The following SYT16 variants were observed in gnomAD, a reference collection of about 807,000 sequenced individuals.
SYT16 encodes the protein synaptotagmin 16.
A neutral mutation model predicts 61.4 loss-of-function variants in SYT16; 42 were observed. The observed-to-expected ratio is 0.68, with a 90% CI of 0.53 to 0.89. The LOEUF (loss-of-function observed/expected upper bound fraction) is 0.89, where lower values mean the gene tolerates loss of function less well. SYT16 is among the 40% of genes least tolerant of loss of function. The pLI, the probability that SYT16 is intolerant of heterozygous loss-of-function variation, is 0.00. For synonymous variants in SYT16, 314 were observed against 302.3 expected (o/e 1.04, Z -0.40); for missense variants, 804 against 807.3 (o/e 1.00, Z 0.05).
At chr14:62,010,036 T>C (rs2053381539) in intron 3 of SYT16, among the ~76,000 whole-genome samples, 2 of 152,228 alleles carry the variant, frequency 1.3e-5, no homozygotes, top group Non-Finnish European at 2.9e-5. Context: ...CTGTATTAAA[T>C]AAATTGCCTC....
chr14:61,962,670 T>G (rs919427116), intron 1 of SYT16, among the ~76,000 whole-genome samples: 2 of 152,110 alleles, frequency 1.3e-5, no homozygotes, highest in African/African-American at 2.4e-5. Flanking sequence ...GTCTCATGAG[T>G]CTTGTAAACT....
At chr14:61,850,550 G>T in intron 1 of SYT16, among the ~76,000 whole-genome samples, 1 of 152,022 alleles carries the variant, frequency 6.6e-6, no homozygotes, top group East Asian at 1.9e-4. Flanking sequence ...AATGGTGTTG[G>T]TTGTTCTTAA....
chr14:61,842,366 A>C (rs559628777), intron 1 of SYT16, among the ~76,000 whole-genome samples: 101 of 152,256 alleles, frequency 6.6e-4, no homozygotes, highest in African/African-American at 2.3e-3. Flanking sequence ...TCTACTATCT[A>C]TGTCCATGAG....
chr14:62,075,156 G>T lies in SYT16; in HGVS notation c.758G>T (p.Arg253Leu). Residue 253 changes from arginine (R) to leucine (L), a missense_variant, in exon 5 of 8, where the codon CGG (arginine) becomes CTG (leucine). Coordinates refer to ENST00000683842, the MANE Select transcript of SYT16 (RefSeq NM_001367656.1). ...ACEDLDGASQRRYSENLSYGE... is the reference protein window; with the variant it reads ...ACEDLDGASQLRYSENLSYGE... Reference sequence around the variant, plus strand: ...TTAGATTTGGATGGAGCCAGCCAACGGCGTTATTCTGAGAATCTCTCCTAC... The same window carrying T: ...TTAGATTTGGATGGAGCCAGCCAACTGCGTTATTCTGAGAATCTCTCCTAC... The T allele has an allele frequency of 6.2e-7, 1 of 1,610,070 alleles. No individual in the cohort carries two copies. The highest frequency in any genetic ancestry group is 8.5e-7 in the Non-Finnish European group (1 of 1,177,640).
Position 61,992,307 on chromosome 14 carries a change from G to T in SYT16, c.-144-3569G>T, listed in dbSNP as rs17099365. On this transcript the variant is annotated intron_variant, in intron 2 of 7. Coordinates refer to ENST00000683842, the MANE Select transcript of SYT16 (RefSeq NM_001367656.1). ...GCACAGTCACTTTGGAAAATGCTTA[G>T]TGTGTCAGTGAGACTGGCACATAGG... is the stretch of plus-strand genomic sequence containing the variant. Among the ~76,000 whole-genome samples, 1,446 of 152,254 alleles carry T rather than the reference G, an allele frequency of 9.5e-3. 18 individuals are homozygous for T. The highest frequency in any genetic ancestry group is 0.033 in the African/African-American group (1,390 of 41,530).
chr14:61,866,814 CAGA>C, intron 1 of SYT16, among the ~76,000 whole-genome samples: 1 of 152,174 alleles, frequency 6.6e-6, no homozygotes, highest in Admixed American at 6.5e-5. Context: ...CTGTGTTCTA[CAGA>C]AGAAATCTTT....
Position 61,962,103 on chromosome 14 carries a change from C to G in SYT16, c.-324-8029C>G, listed in dbSNP as rs575558347. Among the ~76,000 whole-genome samples the G allele has an allele frequency of 4.6e-5, 7 of 152,112 alleles. No homozygotes were observed. The South Asian group carries it at 1.5e-3, about 32-fold the overall frequency. ...GACACAAAGAAGGGAACAACAGACA[C>G]CAGGGCCTACTTGAGGATGGAGAAT... is the stretch of plus-strand genomic sequence containing the variant. On this transcript the variant is annotated intron_variant, in intron 1 of 7. Transcript: ENST00000683842.
At chr14:62,000,970 G>A (rs969007405) in intron 3 of SYT16, among the ~76,000 whole-genome samples, 5 of 152,200 alleles carry the variant, frequency 3.3e-5, no homozygotes, top group African/African-American at 1.2e-4. Context: ...GCTGAGGTGG[G>A]AGGAATGCTT....
At chr14:61,867,415 C>T (rs2047193158) in intron 1 of SYT16, among the ~76,000 whole-genome samples, 1 of 152,004 alleles carries the variant, frequency 6.6e-6, no homozygotes, top group South Asian at 2.1e-4. Context: ...CTCATTTTCT[C>T]ATGCGGTTTG....
In SYT16 at chr14:62,007,668, C is replaced by T. The variant is rs536453829; in HGVS notation, c.523+11126C>T. Among the ~76,000 whole-genome samples the T allele has an allele frequency of 2.6e-5, 4 of 152,132 alleles. No homozygotes were observed. In the East Asian group the frequency reaches 7.7e-4, roughly 29 times the overall value. On this transcript the variant is annotated intron_variant, in intron 3 of 7. Transcript: ENST00000683842. The stretch of plus-strand genomic sequence containing the variant: ...GACAGAAGTTAGAATATGTAAGATA[C>T]AAATGATCAGACAATTCAATCCTTA...
chr14:62,112,169 C>T lies in SYT16; in HGVS notation c.*11462C>T, dbSNP rs1241063225. The T allele has an allele frequency of 6.6e-6, 1 of 152,022 alleles. No individual in the cohort carries two copies. Among genetic ancestry groups the T allele is most frequent in the Non-Finnish European group, 1.5e-5 (1 of 67,932 alleles). The allele number at this position is 152,022 out of a possible 1,614,324, so 9.4% of individuals were successfully genotyped here. On this transcript the variant is annotated 3_prime_UTR_variant, in exon 8 of 8. Transcript: ENST00000683842. The stretch of plus-strand genomic sequence containing the variant: ...ATCAGTGAAATATTGAATGTCAATA[C>T]TTTTTGTTAGAAATGCCCTCTGAAA...
chr14:61,821,830 A>G (rs998406431), intron 1 of SYT16, among the ~76,000 whole-genome samples: 8 of 152,300 alleles, frequency 5.3e-5, no homozygotes, highest in Admixed American at 1.3e-4. Flanking sequence ...TCTGTCTGCT[A>G]TACTCCCCAT....
At position 62,084,248 on chromosome 14, in the gene SYT16, C is replaced by G; in HGVS notation, c.1487C>G (p.Ser496Ter). The change falls in exon 7 of 8, where the codon TCA becomes TGA. Residue 496 changes from serine to a stop codon, truncating the protein, a stop_gained. Transcript: ENST00000683842. LOFTEE classifies it high-confidence loss of function. ...GCGGTTTCTCACAGTGATAGTACTT[C>G]ATCCACGCAGTCGCTGTCTCATGGA... ...PSAVSHSDSTSSTQSLSHGGA... is the reference protein window; with the variant it reads ...PSAVSHSDST 1 of 1,613,988 alleles carries G rather than the reference C, an allele frequency of 6.2e-7. No individual in the cohort carries two copies. Among genetic ancestry groups the G allele is most frequent in the Non-Finnish European group, 8.5e-7 (1 of 1,179,882 alleles).
chr14:61,883,088 A>G (rs2047761199), intron 1 of SYT16, among the ~76,000 whole-genome samples: 1 of 152,228 alleles, frequency 6.6e-6, no homozygotes, highest in Non-Finnish European at 1.5e-5. Flanking sequence ...GCACTGGGAC[A>G]GGCCCAGGAA....
chr14:61,851,943 T>C (rs1402401993), intron 1 of SYT16, among the ~76,000 whole-genome samples: 1 of 152,234 alleles, frequency 6.6e-6, no homozygotes, highest in Non-Finnish European at 1.5e-5. Context: ...TTCGTTGCAA[T>C]TGCTTTTGGC....
chr14:61,963,216 A>C (rs1267372638), intron 1 of SYT16, among the ~76,000 whole-genome samples: 14 of 152,128 alleles, frequency 9.2e-5, no homozygotes, highest in Admixed American at 9.2e-4. Flanking sequence ...AGAGTCTCTC[A>C]CTTTAAATCA....
At chr14:61,968,810 T>A (rs1595044824) in intron 1 of SYT16, among the ~76,000 whole-genome samples, 1 of 152,214 alleles carries the variant, frequency 6.6e-6, no homozygotes, top group Admixed American at 6.5e-5. Context: ...TGCCTATAAC[T>A]ACTGCTACCG....
At chr14:62,027,284 C>G (rs536936873) in intron 3 of SYT16, among the ~76,000 whole-genome samples, 1 of 152,268 alleles carries the variant, frequency 6.6e-6, no homozygotes, top group South Asian at 2.1e-4. Context: ...GATAGCCATG[C>G]TTTCCAAAAT....
At chr14:61,853,155 A>G (rs1355908520) in intron 1 of SYT16, among the ~76,000 whole-genome samples, 1 of 152,126 alleles carries the variant, frequency 6.6e-6, no homozygotes, top group Non-Finnish European at 1.5e-5. Flanking sequence ...CTGACCTCAA[A>G]TGATCCACCC....
Sources: allele counts gnomAD v4.1 joint callset (sites outside exome capture counted in the v4.1 genomes callset), GRCh38; gene constraint gnomAD v4.1.1; transcripts MANE v1.5; gene names NCBI Gene and HGNC (gene_info 2026-07-23, HGNC 2026-07-21).